The following BMPR2 variants were observed in gnomAD, a reference collection of about 807,000 sequenced individuals.
BMPR2 encodes the protein bone morphogenetic protein receptor type-2.
BMPR2 carries 29 observed loss-of-function variants against 100.8 expected under a neutral mutation model. The ratio of observed to expected loss-of-function variants is 0.29; its 90% CI spans 0.21 to 0.39. The LOEUF (loss-of-function observed/expected upper bound fraction) is 0.39. BMPR2 is among the 10% of genes least tolerant of loss of function. The probability of loss-of-function intolerance (pLI) is 1.00; values close to 1 mark genes in which losing one functional copy is unlikely to be tolerated. For synonymous variants in BMPR2, 382 were observed against 442.3 expected, an observed-to-expected ratio of 0.86 and a Z score of 1.71; for missense variants, 1,011 against 1,274.5, an observed-to-expected ratio of 0.79 and a Z score of 3.15.
chr2:202,477,842 C>G (rs938167906), intron 3 of BMPR2, among the ~76,000 whole-genome samples: 2 of 151,928 alleles, frequency 1.3e-5, no homozygotes, highest in African/African-American at 4.8e-5. Context: ...CCTGAAAAAC[C>G]AGATATTCTG....
intron 3 of BMPR2, among the ~76,000 whole-genome samples, chr2:202,471,723 CT>C (rs1317044132): frequency 9.9e-5 from 15 of 152,102 alleles, no homozygotes; most frequent in African/African-American, 3.6e-4. Flanking sequence ...CAGTGCCTGT[CT>C]TTTACTGGAT....
At chr2:202,534,954 A>AC (rs571610219) in intron 9 of BMPR2, among the ~76,000 whole-genome samples, 7 of 46,608 alleles carry the variant, frequency 1.5e-4, no homozygotes, top group East Asian at 1.3e-3. Flanking sequence ...CGGGGGGCTG[A>AC]CCCCCCCCAC....
intron 3 of BMPR2, among the ~76,000 whole-genome samples, chr2:202,470,549 C>T (rs945724820): frequency 6.6e-6 from 1 of 150,838 alleles, no homozygotes; most frequent in African/African-American, 2.4e-5. Flanking sequence ...ATCATGAGGT[C>T]AGGAGATCGA....
intron 3 of BMPR2, among the ~76,000 whole-genome samples, chr2:202,468,416 T>A (rs1425342486): frequency 1.3e-5 from 2 of 152,178 alleles, no homozygotes; most frequent in East Asian, 1.9e-4. Flanking sequence ...AAGTTGAAGC[T>A]GCAGCTATTG....
At chr2:202,529,377 T>A (rs1687976632) in intron 7 of BMPR2, among the ~76,000 whole-genome samples, 1 of 152,118 alleles carries the variant, frequency 6.6e-6, no homozygotes, top group East Asian at 1.9e-4. Flanking sequence ...TTAAAATGAG[T>A]ACAGAGGGGA....
intron 7 of BMPR2, among the ~76,000 whole-genome samples, chr2:202,528,700 CAT>C (rs1433312280): frequency 3.3e-5 from 5 of 152,158 alleles, no homozygotes; most frequent in South Asian, 2.1e-4. Context: ...TTGAATATCT[CAT>C]GTGATTTATT....
chr2:202,429,449 C>A (rs569839200), intron 1 of BMPR2, among the ~76,000 whole-genome samples: 2 of 152,252 alleles, frequency 1.3e-5, no homozygotes, highest in Admixed American at 1.3e-4. Flanking sequence ...GCTTATGATA[C>A]GTCCCTTGCT....
intron 9 of BMPR2, among the ~76,000 whole-genome samples, chr2:202,537,237 A>C (rs1219685464): frequency 6.6e-6 from 1 of 152,172 alleles, no homozygotes; most frequent in Non-Finnish European, 1.5e-5. Context: ...ACAGTTTGGT[A>C]ATTTCTTTGT....
chr2:202,437,480 A>G lies in BMPR2; in HGVS notation c.77-27329A>G, dbSNP rs1226199219. 2.7e-5 allele frequency among the ~76,000 whole-genome samples: 4 copies of G among 150,622 alleles called. No individual in the cohort carries two copies. The East Asian group carries it at 7.7e-4, about 29-fold the overall frequency. ...TTTATTGGGATATAATCTACATAGC[A>G]TATAATTCACCCATTAAAATGCAGA... On this transcript the variant is annotated intron_variant, in intron 1 of 12. Coordinates refer to ENST00000374580, the MANE Select transcript of BMPR2 (RefSeq NM_001204.7).
At chr2:202,384,340 T>A (rs1344821347) in intron 1 of BMPR2, among the ~76,000 whole-genome samples, 1 of 152,206 alleles carries the variant, frequency 6.6e-6, no homozygotes, top group Non-Finnish European at 1.5e-5. Context: ...ATTCACGTCT[T>A]AAATGTGTCG....
rs1198791325 is a variant in BMPR2, at chr2:202,465,092, G to T, written c.247+113G>T. Reference sequence around the variant, plus strand: ...GTTCAGAAAAACAGTGAATTTAAAAGTGTATATATAAAGCCAGGTGTGGTG... The same window carrying T: ...GTTCAGAAAAACAGTGAATTTAAAATTGTATATATAAAGCCAGGTGTGGTG... On this transcript the variant is annotated intron_variant, in intron 2 of 12. Transcript: ENST00000374580. 10 of 1,385,586 alleles carry T rather than the reference G, an allele frequency of 7.2e-6. No individual in the cohort carries two copies. The East Asian group carries it at 2.4e-4, about 34-fold the overall frequency. The allele number at this position is 1,385,586 out of a possible 1,614,324, so 85.8% of individuals were successfully genotyped here.
At chr2:202,431,050 T>G (rs2105931143) in intron 1 of BMPR2, among the ~76,000 whole-genome samples, 1 of 150,778 alleles carries the variant, frequency 6.6e-6, no homozygotes, top group Non-Finnish European at 1.5e-5. Context: ...TTTTCACGAT[T>G]AGAGGAGACC....
At chr2:202,457,559 TATAGAGAGAGAGAG>T (rs1358636536) in intron 1 of BMPR2, among the ~76,000 whole-genome samples, 1,832 of 89,054 alleles carry the variant, frequency 0.021, 19 homozygotes, top group African/African-American at 0.054. Flanking sequence ...TATATATATA[TATAGAGAGAGAGAG>T]AGAGAGAGAG....
At position 202,419,698 on chromosome 2, in the gene BMPR2, G is replaced by A. The variant is rs567084989; in HGVS notation, c.76+42148G>A. ...AGTCTTAACTGGGAAATGTGAAACA[G>A]TGAAGTATTTCAGTTTCCATAAGTA... On this transcript the variant is annotated intron_variant, in intron 1 of 12. Transcript: ENST00000374580. Among the ~76,000 whole-genome samples the A allele has an allele frequency of 1.3e-3, 197 of 152,266 alleles. 1 individual carries two copies. Among genetic ancestry groups the A allele is most frequent in the African/African-American group, 4.6e-3 (190 of 41,554 alleles).
intron 3 of BMPR2, among the ~76,000 whole-genome samples, chr2:202,511,947 G>A (rs553467920): frequency 6.6e-6 from 1 of 152,004 alleles, no homozygotes; most frequent in Non-Finnish European, 1.5e-5. Flanking sequence ...CTTGAGTCTG[G>A]GATGTGGAGT....
intron 2 of BMPR2, 113 bp downstream of exon 2, chr2:202,465,092 G>A (rs1198791325): frequency 2.5e-5 from 34 of 1,385,586 alleles, no homozygotes; most frequent in Non-Finnish European, 3.2e-5. Context: ...GAATTTAAAA[G>A]TGTATATATA....
intron 1 of BMPR2, among the ~76,000 whole-genome samples, chr2:202,420,275 T>A (rs1328992533): frequency 6.6e-6 from 1 of 152,064 alleles, no homozygotes; most frequent in African/African-American, 2.4e-5. Context: ...AATACATTTA[T>A]TCAAAGAAAT....
At chr2:202,484,035 A>C (rs1559052233) in intron 3 of BMPR2, among the ~76,000 whole-genome samples, 1 of 152,234 alleles carries the variant, frequency 6.6e-6, no homozygotes, top group Non-Finnish European at 1.5e-5. Flanking sequence ...TTGAGGCTGC[A>C]GTGAGGTGTG....
intron 3 of BMPR2, among the ~76,000 whole-genome samples, chr2:202,511,836 A>T (rs1687631265): frequency 2.0e-5 from 3 of 152,098 alleles, no homozygotes; most frequent in Admixed American, 1.3e-4. Context: ...TCTGGTTAAC[A>T]TGGTGAAACC....
Sources: gnomAD v4.1 joint callset for allele counts (sites outside exome capture counted in the v4.1 genomes callset) on GRCh38, gnomAD v4.1.1 for gene constraint, MANE v1.5 for transcripts, NCBI Gene and HGNC (gene_info 2026-07-23, HGNC 2026-07-21) for gene names.